The following CCSER1 variants were observed in gnomAD, a reference collection of about 807,000 sequenced individuals.
The protein encoded by CCSER1 is serine-rich coiled-coil domain-containing protein 1.
CCSER1 carries 41 observed loss-of-function variants against 82.0 expected under a neutral mutation model. That is an observed-to-expected ratio of 0.50 (90% CI 0.39 to 0.65). CCSER1 has a LOEUF of 0.65. CCSER1 is among the 30% of genes least tolerant of loss of function. The pLI, the probability that CCSER1 is intolerant of heterozygous loss-of-function variation, is 0.00. For synonymous variants in CCSER1, 414 were observed against 383.9 expected, an observed-to-expected ratio of 1.08 and a Z score of -0.92; for missense variants, 1,119 against 1,064.2, an observed-to-expected ratio of 1.05 and a Z score of -0.72.
chr4:90,386,288 C>A lies in CCSER1; in HGVS notation c.1510-13748C>A, dbSNP rs1750035151. 2.0e-5 allele frequency among the ~76,000 whole-genome samples: 3 copies of A among 152,128 alleles called. No individual in the cohort carries two copies. The South Asian group carries it at 6.2e-4, about 31-fold the overall frequency. On this transcript the variant is annotated intron_variant, in intron 3 of 10. Transcript: ENST00000509176. ...CTATAGTAGCCCAAAGAGTATGGTA[C>A]TGGTATAAAGCAGATACGTACACAA...
intron 7 of CCSER1, among the ~76,000 whole-genome samples, chr4:90,783,209 C>T (rs540402818): frequency 8.5e-5 from 13 of 152,270 alleles, no homozygotes; most frequent in Non-Finnish European, 1.2e-4. Context: ...GGCATTACTC[C>T]TTCCAAGCTT....
At chr4:90,905,956 G>A (rs1456002198) in intron 8 of CCSER1, among the ~76,000 whole-genome samples, 4 of 152,048 alleles carry the variant, frequency 2.6e-5, no homozygotes, top group Admixed American at 6.6e-5. Flanking sequence ...ATTACACAGA[G>A]AGAAAAAGTG....
intron 4 of CCSER1, among the ~76,000 whole-genome samples, chr4:90,419,916 A>G (rs1756422877): frequency 1.3e-5 from 2 of 151,888 alleles, no homozygotes; most frequent in African/African-American, 4.8e-5. Flanking sequence ...ATGTGAATAT[A>G]CCTTAAACTT....
At chr4:91,197,125 G>A (rs561237103) in intron 10 of CCSER1, among the ~76,000 whole-genome samples, 1 of 152,278 alleles carries the variant, frequency 6.6e-6, no homozygotes, top group African/African-American at 2.4e-5. Context: ...GGGCAGTGTC[G>A]TTCAGCAATA....
chr4:90,162,299 A>G (rs548172982), intron 1 of CCSER1, among the ~76,000 whole-genome samples: 1 of 152,220 alleles, frequency 6.6e-6, no homozygotes, highest in East Asian at 1.9e-4. Context: ...TGTGTTTTAC[A>G]TGCTCTGATC....
chr4:90,580,346 A>G (rs943064700), intron 5 of CCSER1, among the ~76,000 whole-genome samples: 1 of 152,130 alleles, frequency 6.6e-6, no homozygotes, highest in African/African-American at 2.4e-5. Flanking sequence ...ATAAAATGCA[A>G]AGTGTTGGCA....
At chr4:90,863,905 C>G (rs1157826758) in intron 8 of CCSER1, among the ~76,000 whole-genome samples, 1 of 151,588 alleles carries the variant, frequency 6.6e-6, no homozygotes, top group Non-Finnish European at 1.5e-5. Context: ...AGAATCTCAT[C>G]TGGATCAGAT....
At chr4:90,665,989 A>G (rs1731706115) in intron 6 of CCSER1, among the ~76,000 whole-genome samples, 1 of 151,770 alleles carries the variant, frequency 6.6e-6, no homozygotes, top group Non-Finnish European at 1.5e-5. Context: ...TGACTTCCCC[A>G]TTTCCTTACA....
chr4:90,533,795 T>G (rs1774936480), intron 5 of CCSER1, among the ~76,000 whole-genome samples: 1 of 152,204 alleles, frequency 6.6e-6, no homozygotes, highest in Non-Finnish European at 1.5e-5. Context: ...ATTTATTTAT[T>G]TAGCCATTCA....
At chr4:91,202,041 T>A (rs1735940117) in intron 10 of CCSER1, among the ~76,000 whole-genome samples, 1 of 152,018 alleles carries the variant, frequency 6.6e-6, no homozygotes, top group Admixed American at 6.6e-5. Context: ...TATTCCAATA[T>A]CACTTTTAGC....
At chr4:91,047,735 A>G (rs1284249094) in intron 9 of CCSER1, among the ~76,000 whole-genome samples, 3 of 152,118 alleles carry the variant, frequency 2.0e-5, no homozygotes, top group African/African-American at 7.2e-5. Context: ...CTCAGAGGCC[A>G]TTTTCAGACG....
intron 8 of CCSER1, among the ~76,000 whole-genome samples, chr4:90,823,353 G>A (rs1760012678): frequency 6.6e-6 from 1 of 152,006 alleles, no homozygotes; most frequent in African/African-American, 2.4e-5. Context: ...GGAGATTTCA[G>A]TTATGGAGCT....
At chr4:90,270,988 T>G (rs1273822649) in intron 1 of CCSER1, among the ~76,000 whole-genome samples, 2 of 152,016 alleles carry the variant, frequency 1.3e-5, no homozygotes, top group Non-Finnish European at 2.9e-5. Flanking sequence ...AAGAATTGGA[T>G]AAGGACACAA....
chr4:90,693,162 T>C (rs549272471), intron 6 of CCSER1, among the ~76,000 whole-genome samples: 37 of 152,052 alleles, frequency 2.4e-4, no homozygotes, highest in African/African-American at 8.4e-4. Flanking sequence ...CTAAATTTTA[T>C]TGCATGCTTG....
intron 5 of CCSER1, among the ~76,000 whole-genome samples, chr4:90,569,462 C>T (rs905596797): frequency 1.3e-5 from 2 of 152,190 alleles, no homozygotes; most frequent in Non-Finnish European, 1.5e-5. Flanking sequence ...CGGATGTCTG[C>T]TCAAAGTAGT....
chr4:90,227,890 C>T (rs897127633), intron 1 of CCSER1, among the ~76,000 whole-genome samples: 10 of 152,222 alleles, frequency 6.6e-5, no homozygotes, highest in African/African-American at 2.4e-4. Flanking sequence ...GGGTCACTTC[C>T]ACCCGAATAC....
At chr4:90,547,076 T>C (rs1776848857) in intron 5 of CCSER1, among the ~76,000 whole-genome samples, 1 of 152,046 alleles carries the variant, frequency 6.6e-6, no homozygotes, top group Non-Finnish European at 1.5e-5. Context: ...CATTTCATAC[T>C]GGAAAGGTCA....
At chr4:91,149,324 G>A (rs190075856) in intron 10 of CCSER1, among the ~76,000 whole-genome samples, 2 of 152,088 alleles carry the variant, frequency 1.3e-5, no homozygotes, top group African/African-American at 4.8e-5. Context: ...CTTGTTGATG[G>A]GGTTGATTTT....
intron 5 of CCSER1, among the ~76,000 whole-genome samples, chr4:90,597,685 AT>A (rs1783508863): frequency 6.6e-6 from 1 of 152,086 alleles, no homozygotes. Context: ...TTAAAATCTT[AT>A]TTAACGAAAA....
Sources: gnomAD v4.1 joint callset for allele counts (sites outside exome capture counted in the v4.1 genomes callset) on GRCh38, gnomAD v4.1.1 for gene constraint, MANE v1.5 for transcripts, NCBI Gene and HGNC (gene_info 2026-07-23, HGNC 2026-07-21) for gene names.